ARID4B: variants seen among roughly 807,000 people sequenced by gnomAD.
The protein encoded by ARID4B is AT-rich interaction domain 4B.
A neutral mutation model predicts 147.5 loss-of-function variants in ARID4B; 26 were observed. The observed-to-expected ratio is 0.18, with a 90% CI of 0.13 to 0.24. The LOEUF (loss-of-function observed/expected upper bound fraction) is 0.24. ARID4B is among the 10% of genes least tolerant of loss of function. The pLI is 1.00. For synonymous variants in ARID4B, 512 were observed against 507.9 expected (o/e 1.01, Z -0.11); for missense variants, 1,179 against 1,511.5 (o/e 0.78, Z 3.65).
At position 235,211,058 on chromosome 1, in the gene ARID4B, G is replaced by C. The variant is rs374141609; in HGVS notation, c.1841+2711C>G. 1.6e-4 allele frequency among the ~76,000 whole-genome samples: 24 copies of C among 152,310 alleles called. 1 individual carries two copies. The highest frequency in any genetic ancestry group is 5.8e-4 in the African/African-American group (24 of 41,574). On this transcript the variant is annotated intron_variant, in intron 17 of 23. Transcript: ENST00000264183. Reference sequence around the variant, plus strand: ...TTAATAGAAAATAAGCCTTGGCCGGGCACGGTGGCTCATGCCTGTAGTCCC... The same window carrying C: ...TTAATAGAAAATAAGCCTTGGCCGGCCACGGTGGCTCATGCCTGTAGTCCC...
intron 19 of ARID4B, among the ~76,000 whole-genome samples, chr1:235,191,253 TTTTA>T (rs1367654025): frequency 3.1e-4 from 14 of 44,588 alleles, no homozygotes; most frequent in African/African-American, 1.2e-3. Context: ...ATTCTTTTTA[TTTTA>T]TTTTTTTTAA....
chr1:235,295,517 T>TAA (rs1039816071), intron 2 of ARID4B, among the ~76,000 whole-genome samples: 2 of 82,194 alleles, frequency 2.4e-5, no homozygotes. Context: ...CATCTCAATT[T>TAA]AAAAAAAAAA....
intron 20 of ARID4B, 200 bp downstream of exon 20, chr1:235,181,385 A>G: frequency 1.3e-6 from 1 of 771,646 alleles, no homozygotes; most frequent in Non-Finnish European, 2.0e-6. Context: ...GGCTCAAGCA[A>G]AGCACATTAA....
intron 2 of ARID4B, among the ~76,000 whole-genome samples, chr1:235,324,946 A>G (rs971485427): frequency 4.6e-5 from 7 of 152,208 alleles, no homozygotes; most frequent in Admixed American, 1.3e-4. Context: ...AATTGGGAAC[A>G]CACAGAAAAA....
At chr1:235,187,877 GA>G (rs1288430193) in intron 19 of ARID4B, among the ~76,000 whole-genome samples, 1 of 152,034 alleles carries the variant, frequency 6.6e-6, no homozygotes, top group East Asian at 1.9e-4. Flanking sequence ...ACTCATTGTT[GA>G]ACTAACAGGA....
intron 2 of ARID4B, among the ~76,000 whole-genome samples, chr1:235,264,492 C>T (rs571189224): frequency 3.9e-5 from 6 of 152,216 alleles, no homozygotes; most frequent in Non-Finnish European, 7.4e-5. Flanking sequence ...GCTTTGAAAG[C>T]AGAGAGGCAA....
chr1:235,169,837 T>C (rs1429024724), intron 23 of ARID4B, among the ~76,000 whole-genome samples: 1 of 152,052 alleles, frequency 6.6e-6, no homozygotes, highest in Admixed American at 6.6e-5. Flanking sequence ...AATGTTTCTA[T>C]TTTTAGTAGA....
At chr1:235,288,071 C>T (rs533230286) in intron 2 of ARID4B, among the ~76,000 whole-genome samples, 9 of 152,278 alleles carry the variant, frequency 5.9e-5, no homozygotes, top group African/African-American at 1.9e-4. Flanking sequence ...CTTTGGGAGG[C>T]CAAGGCGGGT....
At chr1:235,179,049 T>A (rs1303205592) in intron 20 of ARID4B, among the ~76,000 whole-genome samples, 1 of 152,154 alleles carries the variant, frequency 6.6e-6, no homozygotes, top group Non-Finnish European at 1.5e-5. Flanking sequence ...GTCAGGTTTC[T>A]CTCCAAGAGA....
intron 2 of ARID4B, among the ~76,000 whole-genome samples, chr1:235,325,807 A>G (rs1322056693): frequency 6.6e-6 from 1 of 152,242 alleles, no homozygotes; most frequent in African/African-American, 2.4e-5. Flanking sequence ...AAATTAGACT[A>G]AACTTAATTA....
intron 2 of ARID4B, among the ~76,000 whole-genome samples, chr1:235,270,667 T>C (rs1420585414): frequency 2.6e-5 from 4 of 152,230 alleles, no homozygotes; most frequent in African/African-American, 9.6e-5. Context: ...AAGCCAACTA[T>C]ACTTAAGGCA....
At chr1:235,322,865 A>G (rs1412991420) in intron 2 of ARID4B, among the ~76,000 whole-genome samples, 1 of 151,940 alleles carries the variant, frequency 6.6e-6, no homozygotes, top group Non-Finnish European at 1.5e-5. Context: ...TAGGGAGACA[A>G]ACAAAGGTAG....
chr1:235,224,560 A>G lies in ARID4B; in HGVS notation c.970+143T>C, dbSNP rs912977725. 5 of 644,350 alleles carry G rather than the reference A, an allele frequency of 7.8e-6. No individual in the cohort carries two copies. The African/African-American group carries it at 9.4e-5, about 12-fold the overall frequency. 39.9% of individuals were successfully genotyped at this position (644,350 alleles called of 1,614,324 possible). On this transcript the variant is annotated intron_variant, in intron 12 of 23. Transcript: ENST00000264183. ...CTTGTTACGTGACAGGCGCTATGCT[A>G]GGTGCTGGTGATATCAGAGTCAAAA...
At chr1:235,256,495 C>G (rs942144526) in intron 4 of ARID4B, among the ~76,000 whole-genome samples, 1 of 152,170 alleles carries the variant, frequency 6.6e-6, no homozygotes, top group Non-Finnish European at 1.5e-5. Flanking sequence ...TAGTGGTTTA[C>G]CCACACATTC....
At chr1:235,315,060 T>C (rs891690042) in intron 2 of ARID4B, among the ~76,000 whole-genome samples, 3 of 152,126 alleles carry the variant, frequency 2.0e-5, no homozygotes, top group Admixed American at 6.5e-5. Flanking sequence ...AGTTGTCACA[T>C]TGCCAAAAAT....
At chr1:235,317,745 G>A (rs1461205282) in intron 2 of ARID4B, among the ~76,000 whole-genome samples, 1 of 152,096 alleles carries the variant, frequency 6.6e-6, no homozygotes, top group Non-Finnish European at 1.5e-5. Flanking sequence ...GAGATCCAAA[G>A]AGCCAGGAAT....
chr1:235,292,259 T>C (rs1672388494), intron 2 of ARID4B, among the ~76,000 whole-genome samples: 2 of 152,206 alleles, frequency 1.3e-5, no homozygotes, highest in South Asian at 4.1e-4. Context: ...TGGGGACAGT[T>C]CCAGTTTCAA....
intron 2 of ARID4B, among the ~76,000 whole-genome samples, chr1:235,268,816 G>T (rs780364185): frequency 6.6e-6 from 1 of 152,110 alleles, no homozygotes; most frequent in Non-Finnish European, 1.5e-5. Context: ...AAGGAATTAG[G>T]ATCCTTAGAA....
intron 11 of ARID4B, 161 bp downstream of exon 11, chr1:235,229,070 A>C: frequency 2.4e-6 from 2 of 832,986 alleles, no homozygotes; most frequent in Non-Finnish European, 3.6e-6. Context: ...TAAAGTAACC[A>C]AGTAAACTAT....
Sources: gnomAD v4.1 joint callset for allele counts (sites outside exome capture counted in the v4.1 genomes callset) on GRCh38, gnomAD v4.1.1 for gene constraint, MANE v1.5 for transcripts, NCBI Gene and HGNC (gene_info 2026-07-23, HGNC 2026-07-21) for gene names.